PLCB1: variants seen among roughly 807,000 people sequenced by gnomAD.
PLCB1 encodes phospholipase C beta 1.
In PLCB1, 46 loss-of-function variants were observed where a neutral mutation model predicts 161.8. The observed-to-expected ratio is 0.28, with a 90% CI of 0.22 to 0.36. The LOEUF is 0.36. Among genes scored for constraint, PLCB1 ranks in the 10% least tolerant of loss-of-function variants. The probability of loss-of-function intolerance (pLI) is 1.00; values close to 1 mark genes in which losing one functional copy is unlikely to be tolerated. For missense variants in PLCB1, 1,016 were observed against 1,472.5 expected (o/e 0.69, Z 5.07); for synonymous variants, 517 against 503.7 (o/e 1.03, Z -0.35).
chr20:8,798,025 C>T (rs6086600), intron 31 of PLCB1, among the ~76,000 whole-genome samples: 2 of 151,932 alleles, frequency 1.3e-5, no homozygotes, highest in African/African-American at 2.4e-5. Context: ...GAAACACTGA[C>T]TCTATTAAAA....
At chr20:8,328,284 T>C (rs1487285087) in intron 2 of PLCB1, among the ~76,000 whole-genome samples, 1 of 152,074 alleles carries the variant, frequency 6.6e-6, no homozygotes, top group Non-Finnish European at 1.5e-5. Context: ...CCAAATCTTT[T>C]TTTCTCTCAT....
chr20:8,239,061 T>C (rs1030041836), intron 2 of PLCB1, among the ~76,000 whole-genome samples: 2 of 151,842 alleles, frequency 1.3e-5, no homozygotes, highest in Non-Finnish European at 2.9e-5. Context: ...GAGGGGATAG[T>C]TGAGTAAACA....
chr20:8,353,194 A>G (rs7354165), intron 2 of PLCB1, among the ~76,000 whole-genome samples: 28,949 of 152,050 alleles, frequency 0.19, 3,084 homozygotes, highest in East Asian at 0.37. Flanking sequence ...TCAAAGGAAC[A>G]TATGGAACCA....
chr20:8,854,378 T>C (rs1241424357), intron 31 of PLCB1, among the ~76,000 whole-genome samples: 1 of 152,174 alleles, frequency 6.6e-6, no homozygotes, highest in Non-Finnish European at 1.5e-5. Flanking sequence ...GATTTCTTCT[T>C]CATTCTAAGT....
intron 24 of PLCB1, among the ~76,000 whole-genome samples, chr20:8,759,112 T>C (rs1283525167): frequency 6.6e-6 from 1 of 152,210 alleles, no homozygotes; most frequent in Non-Finnish European, 1.5e-5. Flanking sequence ...TTCATAACCT[T>C]GGTACTTTGG....
chr20:8,622,042 G>A (rs1033859982), intron 3 of PLCB1, among the ~76,000 whole-genome samples: 7 of 151,648 alleles, frequency 4.6e-5, no homozygotes, highest in Non-Finnish European at 8.8e-5. Flanking sequence ...CGGATCACGA[G>A]GTCAAGAGAT....
At chr20:8,474,171 G>T (rs1982170897) in intron 3 of PLCB1, among the ~76,000 whole-genome samples, 1 of 152,162 alleles carries the variant, frequency 6.6e-6, no homozygotes, top group African/African-American at 2.4e-5. Flanking sequence ...TATGTGCCTT[G>T]TAATGATCTT....
chr20:8,777,447 G>A (rs774220820), intron 27 of PLCB1, among the ~76,000 whole-genome samples: 20 of 151,922 alleles, frequency 1.3e-4, no homozygotes, highest in Admixed American at 4.6e-4. Flanking sequence ...AGCTGGGTGC[G>A]GTGGCTCACA....
intron 3 of PLCB1, among the ~76,000 whole-genome samples, chr20:8,414,148 AAAG>A (rs1471940205): frequency 1.3e-5 from 2 of 152,168 alleles, no homozygotes; most frequent in Admixed American, 6.5e-5. Context: ...GACAAAAAAA[AAAG>A]AATCTGTTTT....
chr20:8,486,158 G>A (rs374160306), intron 3 of PLCB1, among the ~76,000 whole-genome samples: 1 of 152,066 alleles, frequency 6.6e-6, no homozygotes, highest in Non-Finnish European at 1.5e-5. Flanking sequence ...ACCTCCACGG[G>A]GTCCCTCCCA....
intron 20 of PLCB1, among the ~76,000 whole-genome samples, chr20:8,737,896 A>T (rs1304375044): frequency 6.6e-6 from 1 of 152,246 alleles, no homozygotes; most frequent in Non-Finnish European, 1.5e-5. Flanking sequence ...TGCTTACTAT[A>T]CTGTTTACTT....
rs1233073172 is a variant in PLCB1 at position 8,774,690 on chromosome 20, A to G, written c.3082A>G (p.Lys1028Glu). 1 of 1,607,910 alleles carries G rather than the reference A, an allele frequency of 6.2e-7. No homozygotes were observed. The highest frequency in any genetic ancestry group is 1.3e-5 in the African/African-American group (1 of 74,868). ...NLRQEQYYSE[K>E]YQKREHIKLL... Reference sequence around the variant, plus strand: ...TCGGCAAGAACAGTATTATAGTGAAAAATACCAGAAGCGAGAACATATTAA... The same window carrying G: ...TCGGCAAGAACAGTATTATAGTGAAGAATACCAGAAGCGAGAACATATTAA... The change falls in exon 27 of 32, where the codon AAA (lysine) becomes GAA (glutamate). Residue 1028 changes from lysine to glutamate, a missense_variant. By Grantham distance (56) the Lys-to-Glu change is moderately conservative (BLOSUM62 1). Coordinates refer to ENST00000338037, the MANE Select transcript of PLCB1 (RefSeq NM_015192.4).
At chr20:8,394,391 G>GGT (rs961541980) in intron 3 of PLCB1, among the ~76,000 whole-genome samples, 2 of 152,122 alleles carry the variant, frequency 1.3e-5, no homozygotes, top group African/African-American at 2.4e-5. Context: ...TTCGGTTCCT[G>GGT]GTGTGTGTGT....
rs869163876 is a variant in PLCB1 at position 8,629,790 on chromosome 20, C to CTTTCTTTCTTTTCTTTCT, written c.384+1380_384+1397dup. On this transcript the variant is annotated intron_variant, in intron 4 of 31. Coordinates refer to ENST00000338037, the MANE Select transcript of PLCB1 (RefSeq NM_015192.4). ...ATGTGTTGGCCTGGTTCCTTCCTTC[C>CTTTCTTTCTTTTCTTTCT]TTTCTTTCTTTTCTTTCTTTTCTTT... Among the ~76,000 whole-genome samples, 18 of 90,456 alleles carry CTTTCTTTCTTTTCTTTCT rather than the reference C, an allele frequency of 2.0e-4. 1 individual carries two copies. Among genetic ancestry groups the CTTTCTTTCTTTTCTTTCT allele is most frequent in the Admixed American group, 1.2e-3 (10 of 8,006 alleles). The allele number at this position is 90,456 out of a possible 152,430, so 59.3% of individuals were successfully genotyped here.
chr20:8,378,462 A>C (rs937659483), intron 3 of PLCB1, among the ~76,000 whole-genome samples: 3 of 152,234 alleles, frequency 2.0e-5, no homozygotes, highest in Non-Finnish European at 4.4e-5. Context: ...ATGTCTTAAA[A>C]ATCAGTTATT....
At chr20:8,234,387 A>C (rs1375519219) in intron 2 of PLCB1, among the ~76,000 whole-genome samples, 1 of 152,042 alleles carries the variant, frequency 6.6e-6, no homozygotes, top group Non-Finnish European at 1.5e-5. Context: ...ATGATTGTCA[A>C]ATTTGGTTGT....
rs540413436 is a variant in PLCB1 at position 8,601,968 on chromosome 20, C to T, written c.247-26326C>T. ...CTTTCCCTCCCTTGCAGCACCAACA[C>T]CTTCACCATCATCACCCTTTTATCT... On this transcript the variant is annotated intron_variant, in intron 3 of 31. Transcript: ENST00000338037. Among the ~76,000 whole-genome samples, 6 of 152,278 alleles carry T rather than the reference C, an allele frequency of 3.9e-5. No individual in the cohort carries two copies. In the East Asian group the frequency reaches 1.2e-3, roughly 29 times the overall value.
intron 31 of PLCB1, chr20:8,792,619 C>A (rs780359467): frequency 2.7e-4 from 126 of 471,112 alleles, no homozygotes; most frequent in Non-Finnish European, 5.3e-4. Context: ...GCTTTTCTTC[C>A]ATGAGGTTGC....
rs1046998499 is a variant in PLCB1, at chr20:8,646,095, T to C, written c.385-7T>C. ...AAGCTAATGCAAGTGTTATTTACAT[T>C]TTTCAGGAATGGACAAATGAGGTTT... On this transcript the variant is annotated splice_region_variant and splice_polypyrimidine_tract_variant and intron_variant, in intron 4 of 31. Transcript: ENST00000338037. 6.2e-7 allele frequency: 1 copy of C among 1,600,476 alleles called. No homozygotes were observed. Among genetic ancestry groups the C allele is most frequent in the African/African-American group, 1.3e-5 (1 of 74,806 alleles).
Sources: gnomAD v4.1 joint callset for allele counts (sites outside exome capture counted in the v4.1 genomes callset) on GRCh38, gnomAD v4.1.1 for gene constraint, MANE v1.5 for transcripts, NCBI Gene and HGNC (gene_info 2026-07-23, HGNC 2026-07-21) for gene names.